The following ITSN1 variants were observed in gnomAD, a reference collection of about 807,000 sequenced individuals.
ITSN1 encodes intersectin 1, also known as intersectin-1.
ITSN1 carries 58 observed loss-of-function variants against 239.8 expected under a neutral mutation model. The ratio of observed to expected loss-of-function variants is 0.24; its 90% confidence interval spans 0.20 to 0.30. The LOEUF is 0.30. ITSN1 is among the 10% of genes least tolerant of loss of function. The pLI, the probability that ITSN1 is intolerant of heterozygous loss-of-function variation, is 1.00. For synonymous variants in ITSN1, 780 were observed against 770.8 expected, an observed-to-expected ratio of 1.01 and a Z score of -0.20; for missense variants, 1,558 against 2,103.3, an observed-to-expected ratio of 0.74 and a Z score of 5.07.
chr21:33,796,740 T>C (rs1266435561), intron 17 of ITSN1, among the ~76,000 whole-genome samples: 5 of 152,268 alleles, frequency 3.3e-5, no homozygotes, highest in Admixed American at 3.3e-4. Flanking sequence ...GAGCTAGTTA[T>C]TATTATGTCA....
In ITSN1 at chr21:33,762,427, C is replaced by T. The variant is rs530166499; in HGVS notation, c.788+441C>T. On this transcript the variant is annotated intron_variant, in intron 9 of 39. Coordinates refer to ENST00000381318, the MANE Select transcript of ITSN1 (RefSeq NM_003024.3). ...GATTATAGGCATGCACCACCATGCC[C>T]GGCTAATTTTGAATTTTTAGTAGGA... Among the ~76,000 whole-genome samples, 16 of 151,330 alleles carry T rather than the reference C, an allele frequency of 1.1e-4. 1 individual carries two copies. In the South Asian group the frequency reaches 2.5e-3, roughly 24 times the overall value.
intron 1 of ITSN1, among the ~76,000 whole-genome samples, chr21:33,702,972 G>A (rs2092089957): frequency 6.6e-6 from 1 of 152,036 alleles, no homozygotes; most frequent in African/African-American, 2.4e-5. Context: ...AGCTACTCGG[G>A]AGGCTGAGAT....
chr21:33,732,875 G>A (rs1054675807), intron 4 of ITSN1, among the ~76,000 whole-genome samples: 4 of 152,074 alleles, frequency 2.6e-5, no homozygotes, highest in Non-Finnish European at 5.9e-5. Flanking sequence ...CATTTAGCAA[G>A]AAAAGCATAT....
intron 16 of ITSN1, among the ~76,000 whole-genome samples, chr21:33,785,567 A>T (rs2070594701): frequency 6.6e-6 from 1 of 152,232 alleles, no homozygotes; most frequent in East Asian, 1.9e-4. Context: ...TTCAGGAAGA[A>T]TTCCTTCCTT....
intron 1 of ITSN1, among the ~76,000 whole-genome samples, chr21:33,695,804 C>G (rs1164056618): frequency 6.6e-6 from 1 of 152,120 alleles, no homozygotes; most frequent in East Asian, 1.9e-4. Context: ...GCAGCCAGAT[C>G]CATGTAAAGA....
rs1182335812 is a variant in ITSN1 at position 33,893,498 on chromosome 21, G to A, written c.*5198G>A. 6.6e-6 allele frequency: 1 copy of A among 152,292 alleles called. No individual in the cohort carries two copies. The highest frequency in any genetic ancestry group is 1.5e-5 in the Non-Finnish European group (1 of 68,130). The allele number at this position is 152,292 out of a possible 1,614,324, so 9.4% of individuals were successfully genotyped here. On this transcript the variant is annotated 3_prime_UTR_variant, in exon 40 of 40. Transcript: ENST00000381318. ...CCAGCTACTCAGGAGGCTGAGGCAG[G>A]AGAATCACTCGAACCTGGGAGGCGG...
intron 8 of ITSN1, among the ~76,000 whole-genome samples, chr21:33,757,550 T>C (rs1331234266): frequency 6.6e-6 from 1 of 152,220 alleles, no homozygotes; most frequent in African/African-American, 2.4e-5. Context: ...AAATTTAATT[T>C]TTTTTCCCTT....
chr21:33,843,990 C>T (rs1395662915), intron 29 of ITSN1, among the ~76,000 whole-genome samples: 1 of 152,232 alleles, frequency 6.6e-6, no homozygotes, highest in Non-Finnish European at 1.5e-5. Context: ...TAAACCAAAA[C>T]AGCAGGTAGG....
rs186314409 is a variant in ITSN1 at position 33,819,777 on chromosome 21, T to C, written c.3016+454T>C. ...GCGGGTGGATCATGAGGTCAGGAGA[T>C]CGAGACCATCCTGGCTAACAAGGTG... is the stretch of plus-strand genomic sequence containing the variant. On this transcript the variant is annotated intron_variant, in intron 24 of 39. Coordinates refer to ENST00000381318, the MANE Select transcript of ITSN1 (RefSeq NM_003024.3). Among the ~76,000 whole-genome samples, 1,058 of 151,392 alleles carry C rather than the reference T, an allele frequency of 7.0e-3. 1 individual carries two copies. The highest frequency in any genetic ancestry group is 0.014 in the Middle Eastern group (4 of 294).
chr21:33,888,629 G>A lies in ITSN1; in HGVS notation c.*329G>A, dbSNP rs998806749. On this transcript the variant is annotated 3_prime_UTR_variant, in exon 40 of 40. Transcript: ENST00000381318. ...TTCCCGGGCTTGAGGGATGGGTCTGGTTACTATAAAATAGATTTATAAATG... is the reference window on the plus strand; with the variant it reads ...TTCCCGGGCTTGAGGGATGGGTCTGATTACTATAAAATAGATTTATAAATG... 4.9e-6 allele frequency: 1 copy of A among 204,534 alleles called. No homozygotes were observed. Among genetic ancestry groups the A allele is most frequent in the South Asian group, 1.5e-4 (1 of 6,578 alleles). 12.7% of individuals were successfully genotyped at this position (204,534 alleles called of 1,614,324 possible). A position where few individuals can be genotyped will look rare whatever the true frequency, so the allele number is the denominator to read the frequency against.
intron 1 of ITSN1, among the ~76,000 whole-genome samples, chr21:33,674,694 G>A (rs578163739): frequency 6.6e-6 from 1 of 152,220 alleles, no homozygotes; most frequent in East Asian, 1.9e-4. Flanking sequence ...TTAAAATTAA[G>A]ATAGGAGAAG....
Position 33,722,572 on chromosome 21 carries a change from T to C in ITSN1, c.122-16T>C, listed in dbSNP as rs775436809. On this transcript the variant is annotated splice_polypyrimidine_tract_variant and intron_variant, in intron 3 of 39. Transcript: ENST00000381318. ...TTTTTTTTTTTTTCCTGAAACTTTTTCTGTTTAATTTACAGGTGATCAAGC... is the reference window on the plus strand; with the variant it reads ...TTTTTTTTTTTTTCCTGAAACTTTTCCTGTTTAATTTACAGGTGATCAAGC... The C allele has an allele frequency of 1.3e-6, 2 of 1,556,202 alleles. No individual in the cohort carries two copies. The highest frequency in any genetic ancestry group is 1.7e-6 in the Non-Finnish European group (2 of 1,161,676).
chr21:33,772,324 G>A lies in ITSN1; in HGVS notation c.1305+1G>A. On this transcript the variant is annotated splice_donor_variant, in intron 12 of 39. Transcript: ENST00000381318. LOFTEE classifies it high-confidence loss of function. ...GAGGAAAGAAATTGAGAGGCGAGAG[G>A]TAAGCAGGCGAGAGTGGAGCCACCC... 6.4e-7 allele frequency: 1 copy of A among 1,551,718 alleles called. No homozygotes were observed. Among genetic ancestry groups the A allele is most frequent in the Non-Finnish European group, 8.7e-7 (1 of 1,147,132 alleles).
chr21:33,725,133 GTTTTTTTTT>G, intron 4 of ITSN1, among the ~76,000 whole-genome samples: 1 of 91,180 alleles, frequency 1.1e-5, no homozygotes, highest in South Asian at 4.2e-4. Context: ...TTTTTTTTTT[GTTTTTTTTT>G]TTTTTTTTTT....
At chr21:33,780,472 G>A (rs888429739) in intron 14 of ITSN1, among the ~76,000 whole-genome samples, 1 of 151,818 alleles carries the variant, frequency 6.6e-6, no homozygotes, top group South Asian at 2.1e-4. Context: ...TTTTTTTTCT[G>A]GTATGGATTA....
chr21:33,669,052 G>A (rs186698669), intron 1 of ITSN1, among the ~76,000 whole-genome samples: 3 of 152,308 alleles, frequency 2.0e-5, no homozygotes, highest in Admixed American at 2.0e-4. Flanking sequence ...AAACATTCTG[G>A]TTTGTTTATG....
chr21:33,672,178 G>T (rs2090328061), intron 1 of ITSN1, among the ~76,000 whole-genome samples: 1 of 151,658 alleles, frequency 6.6e-6, no homozygotes, highest in Admixed American at 6.6e-5. Context: ...GGGAGACGGA[G>T]GTTACGGTGA....
chr21:33,886,341 A>G lies in ITSN1; in HGVS notation c.4898A>G (p.Lys1633Arg), dbSNP rs1017841591. The change falls in exon 39 of 40, where the codon AAG becomes AGG. Residue 1633 changes from lysine (K) to arginine (R), a missense_variant. Around this residue, in one of 2 missense-constraint regions of ITSN1, gnomAD observed 576 missense variants for 893.3 expected, o/e 0.64. Coordinates refer to ENST00000381318, the MANE Select transcript of ITSN1 (RefSeq NM_003024.3). ...ATGGGTTCCCAGTGCCACATCACCAAGACGATCCAGGACACTCTGAACCCC... is the reference window on the plus strand; with the variant it reads ...ATGGGTTCCCAGTGCCACATCACCAGGACGATCCAGGACACTCTGAACCCC... ...VTMGSQCHIT[K>R]TIQDTLNPKW... 1.2e-5 allele frequency: 19 copies of G among 1,613,992 alleles called. No individual in the cohort carries two copies. The highest frequency in any genetic ancestry group is 1.5e-5 in the Non-Finnish European group (18 of 1,180,018).
rs982244985 is a variant in ITSN1, at chr21:33,770,808, G to A, written c.1043-1253G>A. 2.8e-5 allele frequency among the ~76,000 whole-genome samples: 4 copies of A among 145,372 alleles called. No homozygotes were observed. The Admixed American group carries it at 2.8e-4, about 10-fold the overall frequency. ...TGAGACAGAGTCTGCTCGTCACCCA[G>A]GCTGGAGTGCAGTGGCGCAATCTTG... On this transcript the variant is annotated intron_variant, in intron 11 of 39. Coordinates refer to ENST00000381318, the MANE Select transcript of ITSN1 (RefSeq NM_003024.3).
Sources: gnomAD v4.1 joint callset for allele counts (sites outside exome capture counted in the v4.1 genomes callset) on GRCh38, gnomAD v4.1.1 for gene constraint, gnomAD v4.1.1 regional missense constraint, MANE v1.5 for transcripts, NCBI Gene and HGNC (gene_info 2026-07-23, HGNC 2026-07-21) for gene names.